The following LTBP1 variants were observed in gnomAD, a reference collection of about 807,000 sequenced individuals.
The protein encoded by LTBP1 is latent-transforming growth factor beta-binding protein 1.
Under a neutral mutation model 207.6 loss-of-function variants are expected in LTBP1, and 129 were observed. That is an observed-to-expected ratio of 0.62 (90% confidence interval 0.54 to 0.72). The LOEUF (loss-of-function observed/expected upper bound fraction) is 0.72. Among genes scored for constraint, LTBP1 ranks in the 30% least tolerant of loss-of-function variants. The probability of loss-of-function intolerance (pLI) is 0.00; values close to 1 mark genes in which losing one functional copy is unlikely to be tolerated. For synonymous variants in LTBP1, 963 were observed against 833.7 expected, an observed-to-expected ratio of 1.16 and a Z score of -2.67; for missense variants, 2,281 against 2,217.2, an observed-to-expected ratio of 1.03 and a Z score of -0.58.
chr2:33,381,341 G>A (rs1295373650), intron 31 of LTBP1, among the ~76,000 whole-genome samples: 1 of 151,882 alleles, frequency 6.6e-6, no homozygotes, highest in Non-Finnish European at 1.5e-5. Flanking sequence ...TTTTCATTTT[G>A]TCTTGCTAAA....
chr2:33,176,808 A>G (rs934143826), intron 5 of LTBP1, among the ~76,000 whole-genome samples: 1 of 152,116 alleles, frequency 6.6e-6, no homozygotes, highest in Non-Finnish European at 1.5e-5. Flanking sequence ...AGTGATTTCG[A>G]CACCTTGCAC....
rs182709293 is a variant in LTBP1, at chr2:32,950,015, G to A, written c.565+1070G>A. Among the ~76,000 whole-genome samples the A allele has an allele frequency of 2.0e-5, 3 of 152,296 alleles. No homozygotes were observed. In the East Asian group the frequency reaches 5.8e-4, roughly 29 times the overall value. On this transcript the variant is annotated intron_variant, in intron 2 of 33. Transcript: ENST00000404816. ...GAACTCAAACCACTAGATCAGAAAT[G>A]CTCAGGGTTCTAGGCATTTTAGATT...
At chr2:33,269,886 A>G (rs574891001) in intron 15 of LTBP1, among the ~76,000 whole-genome samples, 81 of 152,184 alleles carry the variant, frequency 5.3e-4, no homozygotes, top group African/African-American at 1.7e-3. Context: ...GAGAAAACAC[A>G]GGGGAGATAT....
chr2:33,214,413 T>A (rs1213016458), intron 7 of LTBP1, among the ~76,000 whole-genome samples: 4 of 152,218 alleles, frequency 2.6e-5, no homozygotes, highest in African/African-American at 9.6e-5. Context: ...TGTTCTCACG[T>A]TGGATCTGTC....
Position 33,257,457 on chromosome 2 carries a change from G to T in LTBP1, c.2341G>T (p.Val781Leu). The T allele has an allele frequency of 2.5e-6, 4 of 1,614,204 alleles. 1 individual carries two copies. The South Asian group carries it at 3.3e-5, about 13-fold the overall frequency. ...ACCTCTCCCAGCCAAGGAAGAGCCA[G>T]TGGAGGCCCTGACCTTCTCCCGGGA... ...PPPLPAKEEP[V>L]EALTFSREHG... The change falls in exon 12 of 34, where the codon GTG becomes TTG. Residue 781 changes from valine to leucine, a missense_variant. This residue lies in a region of LTBP1 where 1,671 missense variants were observed against 1,634.8 expected (regional missense o/e 1.02). Transcript: ENST00000404816.
intron 5 of LTBP1, among the ~76,000 whole-genome samples, chr2:33,137,193 T>C (rs923042459): frequency 5.9e-5 from 9 of 152,306 alleles, no homozygotes; most frequent in Middle Eastern, 3.4e-3. Context: ...ACTTTACTGG[T>C]TTAGTGTAAT....
intron 22 of LTBP1, 96 bp downstream of exon 22, chr2:33,301,740 A>C: frequency 8.7e-7 from 1 of 1,152,742 alleles, no homozygotes; most frequent in African/African-American, 1.6e-5. Flanking sequence ...TCATCTCTTG[A>C]TTTCATAGTG....
chr2:33,397,349 G>A, intron 33 of LTBP1, 67 bp downstream of exon 33: 1 of 1,555,956 alleles, frequency 6.4e-7, no homozygotes. Flanking sequence ...AGTCAGTAGA[G>A]AACATTTAAG....
Position 33,020,892 on chromosome 2 carries a change from C to T in LTBP1, c.566-17C>T. On this transcript the variant is annotated splice_polypyrimidine_tract_variant and intron_variant, in intron 2 of 33. Coordinates refer to ENST00000404816, the MANE Select transcript of LTBP1 (RefSeq NM_206943.4). ...ATGTTGTTCTTCAAAGCTGTGCCTT[C>T]TGTTTTCTTTCTGCAGCTAGCTGTG... 6.4e-7 allele frequency: 1 copy of T among 1,555,776 alleles called. No homozygotes were observed. Among genetic ancestry groups the T allele is most frequent in the Middle Eastern group, 1.7e-4 (1 of 5,752 alleles).
intron 5 of LTBP1, among the ~76,000 whole-genome samples, chr2:33,135,772 A>T (rs2082095409): frequency 6.6e-6 from 1 of 152,182 alleles, no homozygotes; most frequent in East Asian, 1.9e-4. Flanking sequence ...GCAATACAGT[A>T]TTTTTGTCGC....
intron 20 of LTBP1, among the ~76,000 whole-genome samples, chr2:33,294,701 C>T (rs2093840945): frequency 6.6e-6 from 1 of 151,292 alleles, no homozygotes; most frequent in South Asian, 2.1e-4. Context: ...GCCTCAGCCG[C>T]CTGAGTAGCT....
rs747123625 is a variant in LTBP1 at position 33,347,448 on chromosome 2, G to C, written c.3938G>C (p.Cys1313Ser). ...GTGGAAGGGTCCTTCCTGTGCGTGT[G>C]TGCTGATGAAAACCAAGAGTACAGC... is the stretch of plus-strand genomic sequence containing the variant. Reference protein sequence around the residue: ...ENVEGSFLCVCADENQEYSPM... With the variant: ...ENVEGSFLCVSADENQEYSPM... The change falls in exon 26 of 34, where the codon TGT (cysteine) becomes TCT (serine). Residue 1313 changes from cysteine to serine, a missense_variant. Physicochemically the swap from Cys to Ser is moderately radical, Grantham distance 112. Around this residue, in one of 3 missense-constraint regions of LTBP1, gnomAD observed 1,671 missense variants for 1,634.8 expected, o/e 1.02. Transcript: ENST00000404816. The C allele has an allele frequency of 2.5e-6, 4 of 1,614,240 alleles. No individual in the cohort carries two copies. The highest frequency in any genetic ancestry group is 8.5e-7 in the Non-Finnish European group (1 of 1,180,042).
chr2:33,140,868 T>C (rs1050919187), intron 5 of LTBP1, among the ~76,000 whole-genome samples: 2 of 152,004 alleles, frequency 1.3e-5, no homozygotes, highest in Non-Finnish European at 2.9e-5. Context: ...GGGGTTTCAC[T>C]ATGTTGGCCA....
At chr2:32,975,615 T>TTTTTTTTTTTTTTTTTA (rs1681632532) in intron 2 of LTBP1, among the ~76,000 whole-genome samples, 1 of 113,658 alleles carries the variant, frequency 8.8e-6, no homozygotes, top group African/African-American at 3.2e-5. Flanking sequence ...TTTTTTTTTT[T>TTTTTTTTTTTTTTTTTA]TTTTTTGTCT....
chr2:33,393,794 TG>T (rs1260690043), intron 32 of LTBP1, among the ~76,000 whole-genome samples: 17 of 152,230 alleles, frequency 1.1e-4, no homozygotes, highest in Admixed American at 2.6e-4. Flanking sequence ...TATAAACCTT[TG>T]GGTATATACC....
chr2:33,357,155 C>T (rs2094872913), intron 26 of LTBP1, among the ~76,000 whole-genome samples: 1 of 152,184 alleles, frequency 6.6e-6, no homozygotes, highest in Non-Finnish European at 1.5e-5. Context: ...TATGGGGAAA[C>T]ACTAAAGATG....
At chr2:33,090,777 A>G (rs144806712) in intron 3 of LTBP1, among the ~76,000 whole-genome samples, 113 of 152,328 alleles carry the variant, frequency 7.4e-4, no homozygotes, top group African/African-American at 2.5e-3. Flanking sequence ...CTAAAGTCCA[A>G]CTATAATAAA....
intron 2 of LTBP1, among the ~76,000 whole-genome samples, chr2:32,978,982 A>G (rs1214350089): frequency 1.3e-5 from 2 of 151,662 alleles, no homozygotes; most frequent in African/African-American, 4.8e-5. Flanking sequence ...TTTCTAATTT[A>G]TTGGCATATA....
intron 5 of LTBP1, among the ~76,000 whole-genome samples, chr2:33,147,687 G>A (rs1056606080): frequency 6.6e-6 from 1 of 152,196 alleles, no homozygotes; most frequent in African/African-American, 2.4e-5. Context: ...CTCAGGCAGA[G>A]TCCTACCAGG....
Sources: gnomAD v4.1 joint callset for allele counts (sites outside exome capture counted in the v4.1 genomes callset) on GRCh38, gnomAD v4.1.1 for gene constraint, gnomAD v4.1.1 regional missense constraint, MANE v1.5 for transcripts, NCBI Gene and HGNC (gene_info 2026-07-23, HGNC 2026-07-21) for gene names.